The following HCN1 variants were observed in gnomAD, a reference collection of about 807,000 sequenced individuals.
HCN1 encodes the protein hyperpolarization activated cyclic nucleotide gated potassium channel 1, also known as potassium/sodium hyperpolarization-activated cyclic nucleotide-gated channel 1.
Under a neutral mutation model 78.9 loss-of-function variants are expected in HCN1, and 13 were observed. The ratio of observed to expected loss-of-function variants is 0.16; its 90% CI spans 0.11 to 0.26. The LOEUF is 0.26. HCN1 is among the 10% of genes least tolerant of loss of function. The pLI is 1.00. For synonymous variants in HCN1, 552 were observed against 455.5 expected (o/e 1.21, Z -2.70); for missense variants, 810 against 1,154.3 (o/e 0.70, Z 4.32).
At chr5:45,542,882 C>T (rs2094772504) in intron 2 of HCN1, among the ~76,000 whole-genome samples, 1 of 152,120 alleles carries the variant, frequency 6.6e-6, no homozygotes, top group African/African-American at 2.4e-5. Context: ...CCATATGGGA[C>T]AGATTGAAGC....
At chr5:45,394,058 G>C (rs1283454684) in intron 4 of HCN1, among the ~76,000 whole-genome samples, 2 of 152,222 alleles carry the variant, frequency 1.3e-5, no homozygotes, top group Non-Finnish European at 2.9e-5. Flanking sequence ...GTGTGAAAAG[G>C]CTACTTTCTA....
intron 3 of HCN1, among the ~76,000 whole-genome samples, chr5:45,401,966 G>A (rs1739821517): frequency 6.6e-6 from 1 of 152,032 alleles, no homozygotes; most frequent in South Asian, 2.1e-4. Flanking sequence ...TACTGTGTGA[G>A]GGAATTTGAG....
chr5:45,615,024 G>A (rs1176566465), intron 2 of HCN1, among the ~76,000 whole-genome samples: 1 of 148,072 alleles, frequency 6.8e-6, no homozygotes, highest in East Asian at 2.0e-4. Context: ...ATTTTCCAAA[G>A]CTGGAAATTG....
At chr5:45,513,751 G>T (rs1171282900) in intron 2 of HCN1, among the ~76,000 whole-genome samples, 1 of 152,126 alleles carries the variant, frequency 6.6e-6, no homozygotes, top group Non-Finnish European at 1.5e-5. Flanking sequence ...CCCCACCCCT[G>T]ACTGTGGAAA....
intron 1 of HCN1, among the ~76,000 whole-genome samples, chr5:45,674,373 A>G (rs935739217): frequency 2.6e-5 from 4 of 151,676 alleles, no homozygotes; most frequent in African/African-American, 9.7e-5. Context: ...ATGAATAAAA[A>G]GAGGAAAACA....
At chr5:45,372,226 TAA>T (rs1747409039) in intron 4 of HCN1, among the ~76,000 whole-genome samples, 2 of 74,562 alleles carry the variant, frequency 2.7e-5, no homozygotes, top group East Asian at 5.0e-4. Context: ...ATAATATATA[TAA>T]TATATATTAT....
chr5:45,409,652 C>A (rs1180467484), intron 3 of HCN1, among the ~76,000 whole-genome samples: 1 of 151,810 alleles, frequency 6.6e-6, no homozygotes, highest in African/African-American at 2.4e-5. Flanking sequence ...GGTTGGGGTT[C>A]CCACTACCAG....
In HCN1 at chr5:45,519,256, A is replaced by G. The variant is rs555429051; in HGVS notation, c.850-57249T>C. 2.6e-5 allele frequency among the ~76,000 whole-genome samples: 4 copies of G among 152,066 alleles called. No individual in the cohort carries two copies. In the South Asian group the frequency reaches 6.2e-4, roughly 24 times the overall value. On this transcript the variant is annotated intron_variant, in intron 2 of 7. Transcript: ENST00000303230. ...CAAGATAATGAGAAGATCACAGACC[A>G]CTACAATGAGAAGTTCAAGAAGATG... is the stretch of plus-strand genomic sequence containing the variant.
chr5:45,596,198 C>T (rs1008091752), intron 2 of HCN1, among the ~76,000 whole-genome samples: 3 of 151,902 alleles, frequency 2.0e-5, no homozygotes, highest in Admixed American at 6.6e-5. Flanking sequence ...ACGCCCAGCC[C>T]GGACTTATGA....
intron 2 of HCN1, among the ~76,000 whole-genome samples, chr5:45,571,887 C>T (rs1020994422): frequency 1.3e-5 from 2 of 152,090 alleles, no homozygotes; most frequent in African/African-American, 4.8e-5. Flanking sequence ...GCACTCCAGC[C>T]TGGGCAACAC....
At chr5:45,342,617 GA>G (rs1295062191) in intron 5 of HCN1, among the ~76,000 whole-genome samples, 1 of 152,040 alleles carries the variant, frequency 6.6e-6, no homozygotes, top group Admixed American at 6.6e-5. Flanking sequence ...ATTCTAATTT[GA>G]TTGAGAAATT....
intron 6 of HCN1, among the ~76,000 whole-genome samples, chr5:45,274,929 CA>C (rs1210730932): frequency 6.6e-6 from 1 of 152,160 alleles, no homozygotes; most frequent in Non-Finnish European, 1.5e-5. Context: ...AAAGGAAGTG[CA>C]ATGATTGCTT....
At chr5:45,397,636 C>T (rs752407800) in intron 3 of HCN1, among the ~76,000 whole-genome samples, 1 of 151,458 alleles carries the variant, frequency 6.6e-6, no homozygotes, top group Non-Finnish European at 1.5e-5. Context: ...GGGAAAAAAA[C>T]TTATTAAATA....
chr5:45,449,719 T>TA (rs1313786178), intron 3 of HCN1, among the ~76,000 whole-genome samples: 6 of 152,156 alleles, frequency 3.9e-5, no homozygotes, highest in Admixed American at 2.0e-4. Flanking sequence ...ATTTCTTTCT[T>TA]AAAAAATGTA....
chr5:45,459,401 C>CAAAAAAAAAAAAAAAAAAAAAAAAAA (rs34217584), intron 3 of HCN1, among the ~76,000 whole-genome samples: 1 of 111,634 alleles, frequency 9.0e-6, no homozygotes, highest in Non-Finnish European at 1.9e-5. Flanking sequence ...AATCTGCAGC[C>CAAAAAAAAAAAAAAAAAAAAAAAAAA]AAAAAAAAAA....
chr5:45,420,824 GT>G (rs1271337807), intron 3 of HCN1, among the ~76,000 whole-genome samples: 2 of 152,056 alleles, frequency 1.3e-5, no homozygotes, highest in Admixed American at 6.6e-5. Flanking sequence ...AAGCAATCCA[GT>G]GCCTCAAAGT....
At chr5:45,445,907 A>C (rs906027610) in intron 3 of HCN1, among the ~76,000 whole-genome samples, 12 of 152,282 alleles carry the variant, frequency 7.9e-5, no homozygotes, top group Admixed American at 5.2e-4. Flanking sequence ...TCATCAAAGA[A>C]CAAAAGTAGA....
intron 5 of HCN1, among the ~76,000 whole-genome samples, chr5:45,352,815 G>A (rs374837236): frequency 2.0e-5 from 3 of 151,736 alleles, no homozygotes; most frequent in Admixed American, 6.6e-5. Flanking sequence ...AGAATGAGGG[G>A]GAGAAAAATG....
chr5:45,335,965 T>C (rs1000573188), intron 5 of HCN1, among the ~76,000 whole-genome samples: 2 of 152,104 alleles, frequency 1.3e-5, no homozygotes, highest in Admixed American at 1.3e-4. Flanking sequence ...TAGTAGGTTC[T>C]CATCCATTAT....
Sources: allele counts gnomAD v4.1 joint callset (sites outside exome capture counted in the v4.1 genomes callset), GRCh38; gene constraint gnomAD v4.1.1; transcripts MANE v1.5; gene names NCBI Gene and HGNC (gene_info 2026-07-23, HGNC 2026-07-21).